The following MAGI2 variants were observed in gnomAD, a reference collection of about 807,000 sequenced individuals.
MAGI2 encodes the protein membrane associated guanylate kinase, WW and PDZ domain containing 2.
Under a neutral mutation model 133.3 loss-of-function variants are expected in MAGI2, and 35 were observed. That is an observed-to-expected ratio of 0.26 (90% CI 0.20 to 0.35). MAGI2 has a LOEUF of 0.35. MAGI2 is among the 10% of genes least tolerant of loss of function. The probability of loss-of-function intolerance (pLI) is 1.00; values close to 1 mark genes in which losing one functional copy is unlikely to be tolerated. For missense variants in MAGI2, 1,636 were observed against 1,863.4 expected (o/e 0.88, Z 2.25); for synonymous variants, 729 against 710.6 (o/e 1.03, Z -0.41).
chr7:78,638,370 G>T (rs534712340), intron 2 of MAGI2, among the ~76,000 whole-genome samples: 1 of 152,260 alleles, frequency 6.6e-6, no homozygotes, highest in Admixed American at 6.5e-5. Context: ...GGAAACAAAA[G>T]ATTTGTACCC....
At chr7:78,626,982 G>T (rs1362036439) in intron 3 of MAGI2, 138 bp downstream of exon 3, 2 of 655,230 alleles carry the variant, frequency 3.1e-6, no homozygotes, top group Non-Finnish European at 2.2e-6. Flanking sequence ...ACTTTTTTAG[G>T]ATACATTTCT....
chr7:78,279,503 T>C (rs868334265), intron 9 of MAGI2, among the ~76,000 whole-genome samples: 92 of 152,150 alleles, frequency 6.0e-4, no homozygotes, highest in Admixed American at 9.2e-4. Flanking sequence ...GGCTTAAAAC[T>C]GCAGTAAACA....
At chr7:78,635,705 G>A (rs576014336) in intron 2 of MAGI2, among the ~76,000 whole-genome samples, 1 of 152,134 alleles carries the variant, frequency 6.6e-6, no homozygotes, top group Non-Finnish European at 1.5e-5. Context: ...CTCTGTATTT[G>A]ACCTTTGATT....
chr7:79,320,498 T>C (rs1734008250), intron 1 of MAGI2, among the ~76,000 whole-genome samples: 1 of 152,124 alleles, frequency 6.6e-6, no homozygotes, highest in African/African-American at 2.4e-5. Context: ...GTATTTTAGA[T>C]TTCTTGTGTG....
In MAGI2 at chr7:78,312,967, T is replaced by C. The variant is rs189949616; in HGVS notation, c.1408+30811A>G. On this transcript the variant is annotated intron_variant, in intron 9 of 21. Transcript: ENST00000354212. ...ATATGTGTATATAGATATATGTATA[T>C]ACACACACACACACACATCGCATAG... Among the ~76,000 whole-genome samples, 885 of 149,672 alleles carry C rather than the reference T, an allele frequency of 5.9e-3. 9 individuals carry two copies. Among genetic ancestry groups the C allele is most frequent in the African/African-American group, 0.02 (823 of 40,970 alleles).
intron 6 of MAGI2, among the ~76,000 whole-genome samples, chr7:78,427,241 C>T (rs1799366522): frequency 6.6e-6 from 1 of 151,970 alleles, no homozygotes; most frequent in South Asian, 2.1e-4. Flanking sequence ...ATTCCAACCA[C>T]ATCAGTAATT....
intron 3 of MAGI2, among the ~76,000 whole-genome samples, chr7:78,522,499 C>T (rs1333424125): frequency 6.6e-6 from 1 of 152,144 alleles, no homozygotes; most frequent in Non-Finnish European, 1.5e-5. Flanking sequence ...GTGCCTCAGC[C>T]TCCTGGAGTA....
chr7:78,994,075 T>A (rs1158838616), intron 2 of MAGI2, among the ~76,000 whole-genome samples: 2 of 151,970 alleles, frequency 1.3e-5, no homozygotes, highest in Non-Finnish European at 2.9e-5. Flanking sequence ...AGCTTGTAAG[T>A]TTTGTCAACT....
chr7:79,039,945 T>C (rs1315690272), intron 1 of MAGI2, among the ~76,000 whole-genome samples: 1 of 150,920 alleles, frequency 6.6e-6, no homozygotes, highest in Non-Finnish European at 1.5e-5. Context: ...TTTGCAGATG[T>C]GGATGAGCCT....
At chr7:79,278,797 C>T (rs1294608636) in intron 1 of MAGI2, among the ~76,000 whole-genome samples, 2 of 152,156 alleles carry the variant, frequency 1.3e-5, no homozygotes. Context: ...TCAGTCCTAC[C>T]ACCTGCTACT....
At chr7:78,740,408 T>A (rs1292239896) in intron 2 of MAGI2, among the ~76,000 whole-genome samples, 1 of 152,170 alleles carries the variant, frequency 6.6e-6, no homozygotes, top group African/African-American at 2.4e-5. Flanking sequence ...GTTTGCTAAA[T>A]AGTAACAGAA....
chr7:79,309,473 G>T (rs1003757104), intron 1 of MAGI2, among the ~76,000 whole-genome samples: 3 of 151,320 alleles, frequency 2.0e-5, no homozygotes, highest in Non-Finnish European at 2.9e-5. Context: ...TCAATTTTCT[G>T]CTATTGAATA....
intron 2 of MAGI2, among the ~76,000 whole-genome samples, chr7:78,645,060 G>A (rs1331440776): frequency 1.2e-5 from 1 of 80,254 alleles, no homozygotes; most frequent in Non-Finnish European, 3.2e-5. Context: ...CATGTTTTAT[G>A]TATAATATCC....
At chr7:78,426,084 G>C (rs917925899) in intron 6 of MAGI2, among the ~76,000 whole-genome samples, 1 of 152,144 alleles carries the variant, frequency 6.6e-6, no homozygotes, top group Non-Finnish European at 1.5e-5. Context: ...ATTAAGGAAA[G>C]TATGACCATA....
At chr7:78,488,791 C>T (rs1360307689) in intron 6 of MAGI2, among the ~76,000 whole-genome samples, 1 of 151,948 alleles carries the variant, frequency 6.6e-6, no homozygotes, top group Non-Finnish European at 1.5e-5. Flanking sequence ...TACCTTATAA[C>T]ATAGGAATGT....
rs532080946 is a variant in MAGI2, at chr7:79,347,821, G to T, written c.301+105199C>A. Among the ~76,000 whole-genome samples the T allele has an allele frequency of 5.9e-5, 9 of 151,988 alleles. No individual in the cohort carries two copies. In the South Asian group the frequency reaches 1.9e-3, roughly 32 times the overall value. ...TTGGAAATATTTCATGTATAGCTTTGTGTGTATGGCCATAAACCTTAAACT... is the reference window on the plus strand; with the variant it reads ...TTGGAAATATTTCATGTATAGCTTTTTGTGTATGGCCATAAACCTTAAACT... On this transcript the variant is annotated intron_variant, in intron 1 of 21. Coordinates refer to ENST00000354212, the MANE Select transcript of MAGI2 (RefSeq NM_012301.4).
rs183569756 is a variant in MAGI2, at chr7:79,228,619, A to G, written c.302-221413T>C. On this transcript the variant is annotated intron_variant, in intron 1 of 21. Transcript: ENST00000354212. ...CAAGCACTCTCTTCCAACAATGAAA[A>G]CTAAGAAAATGAACCCAAAGAAGAC... Among the ~76,000 whole-genome samples, 16 of 152,184 alleles carry G rather than the reference A, an allele frequency of 1.1e-4. No individual in the cohort carries two copies. The East Asian group carries it at 2.9e-3, about 28-fold the overall frequency.
chr7:78,960,551 A>T (rs2115764625), intron 2 of MAGI2, among the ~76,000 whole-genome samples: 1 of 152,278 alleles, frequency 6.6e-6, no homozygotes, highest in South Asian at 2.1e-4. Context: ...AATGTAAAAC[A>T]AATAAAATGA....
intron 1 of MAGI2, among the ~76,000 whole-genome samples, chr7:79,010,015 G>A (rs900682796): frequency 1.3e-5 from 2 of 151,854 alleles, no homozygotes; most frequent in African/African-American, 4.8e-5. Context: ...TTGAACAACT[G>A]TACCTGATCC....
Sources: allele counts gnomAD v4.1 joint callset (sites outside exome capture counted in the v4.1 genomes callset), GRCh38; gene constraint gnomAD v4.1.1; transcripts MANE v1.5; gene names NCBI Gene and HGNC (gene_info 2026-07-23, HGNC 2026-07-21).